The following TFEC variants were observed in gnomAD, a reference collection of about 807,000 sequenced individuals.
The protein encoded by TFEC is class E basic helix-loop-helix protein 34.
In TFEC, 31 loss-of-function variants were observed where a neutral mutation model predicts 41.6. The ratio of observed to expected loss-of-function variants is 0.74; its 90% CI spans 0.56 to 1.01. The LOEUF is 1.01. Ranked by LOEUF, TFEC falls within the 50% of genes least tolerant of loss-of-function variation. TFEC has a pLI of 0.00. For missense variants in TFEC, 402 were observed against 404.1 expected (o/e 0.99, Z 0.04); for synonymous variants, 143 against 140.6 (o/e 1.02, Z -0.12).
chr7:115,985,100 T>C (rs1009313308), intron 1 of TFEC, among the ~76,000 whole-genome samples: 15 of 152,134 alleles, frequency 9.9e-5, no homozygotes, highest in African/African-American at 3.6e-4. Flanking sequence ...TTTAATCTTA[T>C]TTTTAAACCC....
chr7:116,095,083 A>G (rs1047529378), intron 3 of TFEC, among the ~76,000 whole-genome samples: 12 of 152,192 alleles, frequency 7.9e-5, no homozygotes, highest in Admixed American at 7.2e-4. Context: ...CCCACTTGCA[A>G]AAGCATCATT....
chr7:116,050,969 A>G (rs1796295522), intron 3 of TFEC, among the ~76,000 whole-genome samples: 1 of 152,216 alleles, frequency 6.6e-6, no homozygotes, highest in Non-Finnish European at 1.5e-5. Flanking sequence ...ATGCAGCCAT[A>G]AAAAAGGATG....
intron 3 of TFEC, among the ~76,000 whole-genome samples, chr7:116,041,326 G>C (rs1314700430): frequency 1.3e-5 from 2 of 151,670 alleles, no homozygotes; most frequent in Non-Finnish European, 2.9e-5. Flanking sequence ...AACTGCTAGA[G>C]AGAGAAAGCC....
At chr7:116,110,082 G>T (rs183611840) in intron 3 of TFEC, among the ~76,000 whole-genome samples, 126 of 152,202 alleles carry the variant, frequency 8.3e-4, no homozygotes, top group Middle Eastern at 6.8e-3. Context: ...GTCATGGAGT[G>T]GGGGGAAGGG....
intron 3 of TFEC, among the ~76,000 whole-genome samples, chr7:115,957,060 T>A (rs1261159182): frequency 6.6e-6 from 1 of 151,992 alleles, no homozygotes; most frequent in African/African-American, 2.4e-5. Context: ...GGAAAATTCC[T>A]ATTAATATTT....
intron 2 of TFEC, among the ~76,000 whole-genome samples, chr7:115,983,263 T>A (rs1312641802): frequency 2.0e-5 from 3 of 152,194 alleles, no homozygotes; most frequent in Admixed American, 6.5e-5. Context: ...AGTCCCTTTT[T>A]TTATTGTTTT....
At chr7:115,962,964 T>C (rs897018730) in intron 3 of TFEC, among the ~76,000 whole-genome samples, 1 of 151,836 alleles carries the variant, frequency 6.6e-6, no homozygotes, top group Non-Finnish European at 1.5e-5. Flanking sequence ...AACTTGTCAT[T>C]TACATTAGGT....
upstream of TFEC, among the ~76,000 whole-genome samples, chr7:116,034,489 T>C (rs1795862238): frequency 6.6e-6 from 1 of 151,976 alleles, no homozygotes; most frequent in Non-Finnish European, 1.5e-5. Flanking sequence ...TCTTTCTCTA[T>C]ACCCTTCAAC....
intron 1 of TFEC, 96 bp from the exon 2 acceptor site, chr7:115,984,609 C>G: frequency 7.2e-7 from 1 of 1,387,482 alleles, no homozygotes; most frequent in Non-Finnish European, 9.7e-7. Context: ...AAACACACTA[C>G]ACTATAGCAT....
chr7:116,075,570 A>G (rs558329193), intron 3 of TFEC, among the ~76,000 whole-genome samples: 2 of 152,182 alleles, frequency 1.3e-5, no homozygotes, highest in African/African-American at 4.8e-5. Context: ...AGCCTTTAAG[A>G]CTGCCATCTG....
chr7:116,030,091 C>G (rs1795739221), intron 1 of TFEC, among the ~76,000 whole-genome samples: 1 of 151,912 alleles, frequency 6.6e-6, no homozygotes, highest in African/African-American at 2.4e-5. Flanking sequence ...CATTGGGATA[C>G]TTGACATCTT....
At chr7:116,013,716 C>T (rs1370673578) in intron 1 of TFEC, among the ~76,000 whole-genome samples, 1 of 152,060 alleles carries the variant, frequency 6.6e-6, no homozygotes, top group African/African-American at 2.4e-5. Context: ...AAATTTAAAT[C>T]CAGTCCTCAT....
At position 115,940,775 on chromosome 7, in the gene TFEC, C is replaced by T; in HGVS notation, c.820G>A (p.Glu274Lys). ...QLTVSQGPSP[E>K]LCDQAIAFSD... ...AAGGCTATAGCTTGATCACAGAGCT[C>T]AGGGCTTGGCCCCTGAGACACAGTC... is the stretch of plus-strand genomic sequence containing the variant. The change falls in exon 8 of 8, where the codon GAG (glutamate) becomes AAG (lysine). Residue 274 changes from glutamate to lysine, a missense_variant. Glu to Lys is a moderately conservative substitution (Grantham distance 56). Coordinates refer to ENST00000265440, the MANE Select transcript of TFEC (RefSeq NM_012252.4). 1 of 1,613,506 alleles carries T rather than the reference C, an allele frequency of 6.2e-7. No homozygotes were observed. Among genetic ancestry groups the T allele is most frequent in the Non-Finnish European group, 8.5e-7 (1 of 1,179,640 alleles).
chr7:116,057,010 G>A (rs566533533), intron 3 of TFEC, among the ~76,000 whole-genome samples: 10 of 152,050 alleles, frequency 6.6e-5, no homozygotes, highest in Middle Eastern at 3.4e-3. Flanking sequence ...TGAAAGCTAC[G>A]ATGTGAGATG....
chr7:116,055,964 T>C (rs1796420035), intron 3 of TFEC, among the ~76,000 whole-genome samples: 1 of 152,148 alleles, frequency 6.6e-6, no homozygotes, highest in Admixed American at 6.6e-5. Flanking sequence ...CACTTTATAA[T>C]TCTTGATAAC....
chr7:116,024,038 C>CT (rs942852489), intron 1 of TFEC, among the ~76,000 whole-genome samples: 1 of 152,080 alleles, frequency 6.6e-6, no homozygotes. Context: ...TGAAGCAAAT[C>CT]TACTTGATAT....
intron 3 of TFEC, among the ~76,000 whole-genome samples, chr7:116,043,041 A>G (rs1796077237): frequency 6.6e-6 from 1 of 152,170 alleles, no homozygotes; most frequent in African/African-American, 2.4e-5. Flanking sequence ...TGTTTATGCA[A>G]AACAGGTTTT....
chr7:116,089,352 G>C (rs1797271878), intron 3 of TFEC, among the ~76,000 whole-genome samples: 4 of 151,880 alleles, frequency 2.6e-5, no homozygotes, highest in Admixed American at 2.6e-4. Flanking sequence ...ATTTTTAGTG[G>C]AAGAATGACA....
intron 1 of TFEC, among the ~76,000 whole-genome samples, chr7:116,020,191 A>G (rs1198659745): frequency 6.6e-6 from 1 of 152,168 alleles, no homozygotes; most frequent in Non-Finnish European, 1.5e-5. Flanking sequence ...ACTACTCACT[A>G]CTGAGTCTTT....
Sources: gnomAD v4.1 joint callset for allele counts (sites outside exome capture counted in the v4.1 genomes callset) on GRCh38, gnomAD v4.1.1 for gene constraint, MANE v1.5 for transcripts, NCBI Gene and HGNC (gene_info 2026-07-23, HGNC 2026-07-21) for gene names.